The following C11orf24 variants were observed in gnomAD, a reference collection of about 807,000 sequenced individuals.
C11orf24 encodes uncharacterized protein C11orf24.
C11orf24 carries 5 observed loss-of-function variants against 7.3 expected under a neutral mutation model. The ratio of observed to expected loss-of-function variants is 0.69; its 90% CI spans 0.36 to 1.45. The LOEUF (loss-of-function observed/expected upper bound fraction) is 1.45. Among genes scored for constraint, C11orf24 ranks in the 40% most tolerant of loss-of-function variants. The pLI is 0.03. For missense variants in C11orf24, 566 were observed against 590.5 expected (o/e 0.96, Z 0.43); for synonymous variants, 233 against 235.7 (o/e 0.99, Z 0.11).
rs1369404656 is a variant in C11orf24, at chr11:68,263,713, G to C, written c.55C>G (p.His19Asp). The C allele has an allele frequency of 6.2e-7, 1 of 1,613,654 alleles. No individual in the cohort carries two copies. The highest frequency in any genetic ancestry group is 1.1e-5 in the South Asian group (1 of 91,078). ...TTACGTGGATCGTTGGATGCCGCAT[G>C]GCTTTCAGATAAGGACAAGGAGAAA... is the stretch of plus-strand genomic sequence containing the variant. ...WIFSLSLSESHAASNDPRNFV... is the reference protein window; with the variant it reads ...WIFSLSLSESDAASNDPRNFV... The change falls in exon 3 of 4, where the codon CAT (histidine) becomes GAT (aspartate). Residue 19 changes from histidine to aspartate, a missense_variant. His to Asp is a moderately conservative substitution (Grantham distance 81). Transcript: ENST00000304271.
intron 1 of C11orf24, among the ~76,000 whole-genome samples, chr11:68,269,184 A>G (rs902585996): frequency 3.9e-5 from 6 of 152,140 alleles, no homozygotes; most frequent in South Asian, 2.1e-4. Flanking sequence ...AGAAAACAGC[A>G]TATTTTCTTC....
At chr11:68,263,992 A>G (rs2098563282) in intron 2 of C11orf24, 126 bp from the exon 3 acceptor site, 6 of 555,702 alleles carry the variant, frequency 1.1e-5, no homozygotes, top group Non-Finnish European at 1.9e-5. Flanking sequence ...TGCTGAGACC[A>G]GGGCCTGGTG....
rs1321753250 is a variant in C11orf24, at chr11:68,262,202, G to A, written c.793C>T (p.Pro265Ser). ...GATTTATTTGTTGTGTTAACCACAG[G>A]CTGGTCCACTGACACCTGGCTAATG... is the stretch of plus-strand genomic sequence containing the variant. ...GPISQVSVDQ[P>S]VVNTTNKSTP... The change falls in exon 4 of 4, where the codon CCT (proline) becomes TCT (serine). Residue 265 changes from proline (P) to serine (S), a missense_variant. By Grantham distance (74) the Pro-to-Ser change is moderately conservative. Transcript: ENST00000304271. The A allele has an allele frequency of 1.2e-6, 2 of 1,613,292 alleles. No homozygotes were observed. Among genetic ancestry groups the A allele is most frequent in the Non-Finnish European group, 1.7e-6 (2 of 1,179,366 alleles).
rs968300112 is a variant in C11orf24 at position 68,262,085 on chromosome 11, T to C, written c.910A>G (p.Ser304Gly). 7.4e-6 allele frequency: 12 copies of C among 1,610,994 alleles called. No individual in the cohort carries two copies. Among genetic ancestry groups the C allele is most frequent in the Middle Eastern group, 1.6e-4 (1 of 6,078 alleles). The change falls in exon 4 of 4, where the codon AGC (serine) becomes GGC (glycine). Residue 304 changes from serine (S) to glycine (G), a missense_variant. Coordinates refer to ENST00000304271, the MANE Select transcript of C11orf24 (RefSeq NM_022338.4). Reference protein sequence around the residue: ...TKAQAREPTASPVPVPHTSPI... With the variant: ...TKAQAREPTAGPVPVPHTSPI... Reference sequence around the variant, plus strand: ...CTGGTGTGAGGTACTGGCACTGGGCTGGCAGTTGGCTCCCTGGCTTGTGCC... The same window carrying C: ...CTGGTGTGAGGTACTGGCACTGGGCCGGCAGTTGGCTCCCTGGCTTGTGCC...
rs1306342717 is a variant in C11orf24 at position 68,262,121 on chromosome 11, T to C, written c.874A>G (p.Thr292Ala). ...TCCCTGGCTTGTGCCTTGGTGGTGG[T>C]CACCACTGTGGGGGTGGGGGCGGGC... ...PEPAPTPTVV[T>A]TTKAQAREPT... The change falls in exon 4 of 4, where the codon ACC (threonine) becomes GCC (alanine). Residue 292 changes from threonine to alanine, a missense_variant. Thr to Ala is a moderately conservative substitution (Grantham distance 58). Transcript: ENST00000304271. The C allele has an allele frequency of 2.5e-6, 4 of 1,604,160 alleles. No individual in the cohort carries two copies. In the East Asian group the frequency reaches 6.7e-5, roughly 27 times the overall value.
intron 1 of C11orf24, among the ~76,000 whole-genome samples, chr11:68,269,181 A>T (rs1022363263): frequency 2.6e-5 from 4 of 152,158 alleles, no homozygotes; most frequent in Middle Eastern, 3.4e-3. Flanking sequence ...GAAAGAAAAC[A>T]GCATATTTTC....
chr11:68,266,502 A>C (rs1420184097), intron 2 of C11orf24, among the ~76,000 whole-genome samples: 1 of 152,246 alleles, frequency 6.6e-6, no homozygotes, highest in Non-Finnish European at 1.5e-5. Flanking sequence ...CTTTCTCTTC[A>C]AAATGGTCTG....
At chr11:68,263,442 A>G (rs2098562964) in intron 3 of C11orf24, 1 of 531,762 alleles carries the variant, frequency 1.9e-6, no homozygotes, top group Non-Finnish European at 3.3e-6. Context: ...CAATTTAGAG[A>G]TGACATCAAA....
chr11:68,265,085 C>A (rs1304038170), intron 2 of C11orf24, among the ~76,000 whole-genome samples: 1 of 149,658 alleles, frequency 6.7e-6, no homozygotes, highest in Admixed American at 6.7e-5. Flanking sequence ...ATGCCTGGGC[C>A]GCATTCTGAA....
intron 1 of C11orf24, 60 bp from the exon 2 acceptor site, chr11:68,268,311 G>C (rs2098566240): frequency 6.6e-6 from 1 of 152,288 alleles, no homozygotes; most frequent in Non-Finnish European, 1.5e-5. Context: ...ATTCCAGTGA[G>C]GAGGGAGGCA....
At chr11:68,271,747 CT>C (rs2098568118) in intron 1 of C11orf24, 109 bp downstream of exon 1, 1 of 154,318 alleles carries the variant, frequency 6.5e-6, no homozygotes, top group Non-Finnish European at 1.4e-5. Context: ...CCCACTGCCC[CT>C]CGTGCCCCCA....
rs1259400073 is a variant in C11orf24, at chr11:68,262,336, G to C, written c.659C>G (p.Thr220Arg). Residue 220 changes from threonine to arginine, a missense_variant, in exon 4 of 4, where the codon ACA (threonine) becomes AGA (arginine). Coordinates refer to ENST00000304271, the MANE Select transcript of C11orf24 (RefSeq NM_022338.4). The part of the protein sequence containing the change: ...LATRAQTVAT[T>R]ANTSSPMSTR... The stretch of plus-strand genomic sequence containing the variant: ...GCTCATGGGGCTGCTTGTGTTTGCT[G>C]TGGTCGCTACAGTCTGAGCACGTGT... 6.2e-7 allele frequency: 1 copy of C among 1,613,962 alleles called. No individual in the cohort carries two copies. The highest frequency in any genetic ancestry group is 1.7e-5 in the Admixed American group (1 of 59,992).
chr11:68,264,959 C>A (rs2098564282), intron 2 of C11orf24, among the ~76,000 whole-genome samples: 2 of 151,864 alleles, frequency 1.3e-5, no homozygotes, highest in East Asian at 3.9e-4. Context: ...ATACTCTGGG[C>A]AGAAGCCCCA....
chr11:68,268,649 G>C (rs1245013781), intron 1 of C11orf24, among the ~76,000 whole-genome samples: 1 of 152,186 alleles, frequency 6.6e-6, no homozygotes, highest in African/African-American at 2.4e-5. Flanking sequence ...CCGAGATTGA[G>C]CCACTGCACT....
chr11:68,263,577 G>T, intron 3 of C11orf24, 115 bp downstream of exon 3: 1 of 923,128 alleles, frequency 1.1e-6, no homozygotes, highest in Non-Finnish European at 1.7e-6. Context: ...CGGCACCTGG[G>T]AGGGCTGCGG....
At chr11:68,263,887 T>C (rs532424660) in intron 2 of C11orf24, 21 bp from the exon 3 acceptor site, 27 of 786,486 alleles carry the variant, frequency 3.4e-5, no homozygotes, top group Middle Eastern at 7.2e-4. Context: ...GAAAGCACGC[T>C]GGTCAGAAGG....
In C11orf24 at chr11:68,264,847, G is replaced by T. The variant is rs538270178; in HGVS notation, c.-99-981C>A. 9.9e-5 allele frequency among the ~76,000 whole-genome samples: 15 copies of T among 151,598 alleles called. No homozygotes were observed. In the East Asian group the frequency reaches 2.6e-3, roughly 26 times the overall value. ...CAGTCCATGGGAGACACAGAAAAGA[G>T]GTCATTGCAGGCTGGCACAAGCATT... On this transcript the variant is annotated intron_variant, in intron 2 of 3. Coordinates refer to ENST00000304271, the MANE Select transcript of C11orf24 (RefSeq NM_022338.4).
At chr11:68,267,183 C>T (rs1565292119) in intron 2 of C11orf24, 1 of 152,254 alleles carries the variant, frequency 6.6e-6, no homozygotes, top group South Asian at 2.1e-4. Flanking sequence ...AGTTTGCTAG[C>T]CCCTGCTTTA....
rs1320404767 is a variant in C11orf24, at chr11:68,261,627, G to A, written c.*18C>T. The A allele has an allele frequency of 5.7e-6, 9 of 1,587,618 alleles. No homozygotes were observed. The highest frequency in any genetic ancestry group is 2.7e-5 in the African/African-American group (2 of 74,292). On this transcript the variant is annotated 3_prime_UTR_variant, in exon 4 of 4. Coordinates refer to ENST00000304271, the MANE Select transcript of C11orf24 (RefSeq NM_022338.4). Reference sequence around the variant, plus strand: ...GGACGAGGAAGGGGCCAGGCCTCCCGCCAGGCCCCCGCCCCCCTCACATTT... The same window carrying A: ...GGACGAGGAAGGGGCCAGGCCTCCCACCAGGCCCCCGCCCCCCTCACATTT...
Sources: gnomAD v4.1 joint callset for allele counts (sites outside exome capture counted in the v4.1 genomes callset) on GRCh38, gnomAD v4.1.1 for gene constraint, MANE v1.5 for transcripts, NCBI Gene and HGNC (gene_info 2026-07-23, HGNC 2026-07-21) for gene names.